Variants in STOX1 observed in about 807,000 individuals in gnomAD.
The protein encoded by STOX1 is storkhead box 1.
A neutral mutation model predicts 74.8 loss-of-function variants in STOX1; 57 were observed. The ratio of observed to expected loss-of-function variants is 0.76; its 90% CI spans 0.62 to 0.95. The LOEUF (loss-of-function observed/expected upper bound fraction) is 0.95. STOX1 is among the 40% of genes least tolerant of loss of function. The pLI, the probability that STOX1 is intolerant of heterozygous loss-of-function variation, is 0.00. For missense variants in STOX1, 1,010 were observed against 1,117.0 expected (o/e 0.90, Z 1.37); for synonymous variants, 375 against 401.3 (o/e 0.93, Z 0.78).
In STOX1 at chr10:68,885,888, G is replaced by T. The variant is rs373085361; in HGVS notation, c.2092G>T (p.Gly698Ter). Reference sequence around the variant, plus strand: ...AGACTCAGAAGAATTATTGAGAAAAGGATTTGTCCAGGATGCAGAGACTAC... The same window carrying T: ...AGACTCAGAAGAATTATTGAGAAAATGATTTGTCCAGGATGCAGAGACTAC... Reference protein sequence around the residue: ...DKDSEELLRKGFVQDAETTSL... With the variant: ...DKDSEELLRK Residue 698 changes from glycine to a stop codon, truncating the protein, a stop_gained, in exon 3 of 4, where the codon GGA (glycine) becomes TGA (stop). Coordinates refer to ENST00000298596, the MANE Select transcript of STOX1 (RefSeq NM_152709.5). LOFTEE classifies it high-confidence loss of function. 31 of 1,614,008 alleles carry T rather than the reference G, an allele frequency of 1.9e-5. No homozygotes were observed. The African/African-American group carries it at 2.3e-4, about 12-fold the overall frequency.
chr10:68,862,987 G>A (rs886859208), intron 1 of STOX1, among the ~76,000 whole-genome samples: 1 of 152,118 alleles, frequency 6.6e-6, no homozygotes, highest in African/African-American at 2.4e-5. Context: ...GTGCCATAGA[G>A]TGATATGTCC....
chr10:68,839,784 G>A (rs1839648468), intron 1 of STOX1, among the ~76,000 whole-genome samples: 1 of 152,146 alleles, frequency 6.6e-6, no homozygotes, highest in Admixed American at 6.6e-5. Context: ...CAGCTACTTT[G>A]GAGCCTGAGG....
At chr10:68,838,015 T>C (rs12767769) in intron 1 of STOX1, among the ~76,000 whole-genome samples, 11,982 of 152,214 alleles carry the variant, frequency 0.079, 657 homozygotes, top group East Asian at 0.2. Flanking sequence ...AGTATTTTAT[T>C]CCTTTTGGTG....
chr10:68,865,712 T>A (rs1380161589), intron 1 of STOX1, among the ~76,000 whole-genome samples: 6 of 152,234 alleles, frequency 3.9e-5, no homozygotes, highest in Non-Finnish European at 8.8e-5. Context: ...CAGTCCTGGC[T>A]GTAATGCCCC....
At chr10:68,835,162 C>T (rs1839512675) in intron 1 of STOX1, among the ~76,000 whole-genome samples, 1 of 152,074 alleles carries the variant, frequency 6.6e-6, no homozygotes, top group Admixed American at 6.6e-5. Context: ...CTGCCTCAGC[C>T]TCCTGAGTAG....
Position 68,874,013 on chromosome 10 carries a change from C to CTTTTTTTTTTTT in STOX1, c.311-7933_311-7922dup, listed in dbSNP as rs1160388935. Among the ~76,000 whole-genome samples the CTTTTTTTTTTTT allele has an allele frequency of 3.5e-4, 9 of 25,760 alleles. 1 individual carries two copies. The highest frequency in any genetic ancestry group is 9.0e-4 in the African/African-American group (5 of 5,542). 16.9% of individuals were successfully genotyped at this position (25,760 alleles called of 152,430 possible). On this transcript the variant is annotated intron_variant, in intron 1 of 3. Transcript: ENST00000298596. ...GAAAAATTGCAGATAGCTAGGTAGC[C>CTTTTTTTTTTTT]TTTTTTTTTTTTTTTTTTTTTTTGC...
intron 1 of STOX1, among the ~76,000 whole-genome samples, chr10:68,877,338 TA>T (rs1775966613): frequency 6.6e-6 from 1 of 152,180 alleles, no homozygotes; most frequent in South Asian, 2.1e-4. Flanking sequence ...CAAACAGTGT[TA>T]GGGTTGTTTT....
In STOX1 at chr10:68,855,446, A is replaced by G. The variant is rs529993414; in HGVS notation, c.311-26512A>G. On this transcript the variant is annotated intron_variant, in intron 1 of 3. Transcript: ENST00000298596. Reference sequence around the variant, plus strand: ...AAAAAAATTTTTTTAACTCTTAAAGACTTGTTTTTTGAGACTGGGTCTCGC... The same window carrying G: ...AAAAAAATTTTTTTAACTCTTAAAGGCTTGTTTTTTGAGACTGGGTCTCGC... Among the ~76,000 whole-genome samples, 5 of 142,982 alleles carry G rather than the reference A, an allele frequency of 3.5e-5. No individual in the cohort carries two copies. In the East Asian group the frequency reaches 1.1e-3, roughly 31 times the overall value. The allele number at this position is 142,982 out of a possible 152,430, so 93.8% of individuals were successfully genotyped here.
intron 1 of STOX1, among the ~76,000 whole-genome samples, chr10:68,881,431 T>C (rs1350862665): frequency 1.2e-4 from 19 of 152,204 alleles, no homozygotes; most frequent in Admixed American, 1.2e-3. Context: ...TTCCTGATCA[T>C]CCCAATCAGG....
chr10:68,894,280 C>T (rs926300722), downstream of STOX1, among the ~76,000 whole-genome samples: 8 of 152,100 alleles, frequency 5.3e-5, no homozygotes, highest in Admixed American at 4.6e-4. Context: ...AGGCTAGTCT[C>T]GAACTCCTGA....
At chr10:68,841,596 G>A (rs900494676) in intron 1 of STOX1, among the ~76,000 whole-genome samples, 1 of 152,104 alleles carries the variant, frequency 6.6e-6, no homozygotes, top group Non-Finnish European at 1.5e-5. Context: ...TAATAGCATT[G>A]TTCTAGGGTA....
At chr10:68,873,146 G>A (rs1403811380) in intron 1 of STOX1, among the ~76,000 whole-genome samples, 4 of 152,142 alleles carry the variant, frequency 2.6e-5, no homozygotes, top group East Asian at 3.9e-4. Flanking sequence ...AAATGTTGGG[G>A]TTGCAGGCAT....
chr10:68,887,367 C>T (rs1840988643), intron 3 of STOX1, among the ~76,000 whole-genome samples: 1 of 152,168 alleles, frequency 6.6e-6, no homozygotes, highest in Admixed American at 6.5e-5. Flanking sequence ...ACCACAACCT[C>T]CGCCTCCTGG....
chr10:68,849,605 G>A (rs1309427060), intron 1 of STOX1, among the ~76,000 whole-genome samples: 1 of 152,090 alleles, frequency 6.6e-6, no homozygotes, highest in African/African-American at 2.4e-5. Context: ...GGAGGACCCA[G>A]GGAGCTCAGG....
At chr10:68,851,313 A>AG (rs1416595784) in intron 1 of STOX1, among the ~76,000 whole-genome samples, 23 of 152,030 alleles carry the variant, frequency 1.5e-4, no homozygotes, top group Non-Finnish European at 1.6e-4. Context: ...AAAAAAAAAA[A>AG]AAAGAAAAAA....
rs11332701 is a variant in STOX1, at chr10:68,842,536, CTTTT to C, written c.310+14622_310+14625del. 1.9e-4 allele frequency among the ~76,000 whole-genome samples: 14 copies of C among 71,960 alleles called. No homozygotes were observed. The South Asian group carries it at 7.2e-3, about 37-fold the overall frequency. 47.2% of individuals were successfully genotyped at this position (71,960 alleles called of 152,430 possible). On this transcript the variant is annotated intron_variant, in intron 1 of 3. Coordinates refer to ENST00000298596, the MANE Select transcript of STOX1 (RefSeq NM_152709.5). ...GCCTCTCCATGGCTCTGTACCATTT[CTTTT>C]TTTTTTTTTTTTTTTTTTGAGATGG...
At chr10:68,893,774 T>C (rs536525019), downstream of STOX1, among the ~76,000 whole-genome samples, 1 of 152,098 alleles carries the variant, frequency 6.6e-6, no homozygotes, top group South Asian at 2.1e-4. Context: ...AATGTGGAGA[T>C]AGAAGGGAAG....
At chr10:68,836,070 A>G (rs1461696483) in intron 1 of STOX1, among the ~76,000 whole-genome samples, 1 of 151,742 alleles carries the variant, frequency 6.6e-6, no homozygotes, top group Non-Finnish European at 1.5e-5. Flanking sequence ...ACGGGGTTTC[A>G]CTGTGTTAGC....
At chr10:68,880,178 T>G (rs1196588411) in intron 1 of STOX1, among the ~76,000 whole-genome samples, 1 of 150,434 alleles carries the variant, frequency 6.6e-6, no homozygotes, top group East Asian at 2.0e-4. Flanking sequence ...TTTTTTTTTT[T>G]TTTTGTTTTT....
Sources: gnomAD v4.1 joint callset for allele counts (sites outside exome capture counted in the v4.1 genomes callset) on GRCh38, gnomAD v4.1.1 for gene constraint, MANE v1.5 for transcripts, NCBI Gene and HGNC (gene_info 2026-07-23, HGNC 2026-07-21) for gene names.